Variants in TLN2 observed in about 807,000 individuals in gnomAD.
The protein encoded by TLN2 is talin 2, also known as talin-2.
TLN2 carries 118 observed loss-of-function variants against 294.7 expected under a neutral mutation model. The observed-to-expected ratio is 0.40, with a 90% confidence interval of 0.34 to 0.47. The LOEUF is 0.47. Ranked by LOEUF, TLN2 falls within the 20% of genes least tolerant of loss-of-function variation. The pLI is 0.84. For synonymous variants in TLN2, 1,431 were observed against 1,304.5 expected, an observed-to-expected ratio of 1.10 and a Z score of -2.09; for missense variants, 3,083 against 3,282.2, an observed-to-expected ratio of 0.94 and a Z score of 1.48.
At chr15:62,777,911 A>G (rs1377186523) in intron 43 of TLN2, among the ~76,000 whole-genome samples, 1 of 152,232 alleles carries the variant, frequency 6.6e-6, no homozygotes, top group Admixed American at 6.5e-5. Flanking sequence ...TAAGTTTGAC[A>G]TTCATTAGAA....
intron 51 of TLN2, 83 bp from the exon 52 acceptor site, chr15:62,809,842 T>G: frequency 7.5e-7 from 1 of 1,335,192 alleles, no homozygotes; most frequent in African/African-American, 1.4e-5. Context: ...TCACCAGGGT[T>G]AAGGTCTCTT....
At chr15:62,763,997 G>A (rs984599148) in intron 40 of TLN2, among the ~76,000 whole-genome samples, 4 of 152,198 alleles carry the variant, frequency 2.6e-5, no homozygotes, top group African/African-American at 4.8e-5. Context: ...GGTGGGTACC[G>A]TGTTTGTTTT....
At chr15:62,839,814 G>A (rs958071269) in intron 58 of TLN2, among the ~76,000 whole-genome samples, 6 of 152,216 alleles carry the variant, frequency 3.9e-5, no homozygotes, top group Non-Finnish European at 8.8e-5. Flanking sequence ...CAGAGAAGGG[G>A]CTCTGATCAA....
Position 62,800,717 on chromosome 15 carries a change from G to A in TLN2, c.6425G>A (p.Arg2142Gln), listed in dbSNP as rs768862769. The change falls in exon 50 of 59, where the codon CGG (arginine) becomes CAG (glutamine). Residue 2142 changes from arginine to glutamine, a missense_variant. Coordinates refer to ENST00000636159, the MANE Select transcript of TLN2 (RefSeq NM_015059.3). ...TVKAVEDEAT[R>Q]GTRALEATIE... ...AAGGCAGTGGAGGATGAGGCCACCC[G>A]GGGCACCAGGGCGCTTGAGGCCACA... is the stretch of plus-strand genomic sequence containing the variant. 45 of 1,613,786 alleles carry A rather than the reference G, an allele frequency of 2.8e-5. No homozygotes were observed. The East Asian group carries it at 5.8e-4, about 21-fold the overall frequency.
In TLN2 at chr15:62,752,512, T is replaced by G. The variant is rs2061992460; in HGVS notation, c.4332+85T>G. 1.9e-6 allele frequency: 3 copies of G among 1,547,126 alleles called. No individual in the cohort carries two copies. The African/African-American group carries it at 4.1e-5, about 21-fold the overall frequency. ...GGGGAACTCCAGCTGCACCTCTTTC[T>G]CCAAGTACCACCACAGAAACCATGG... On this transcript the variant is annotated intron_variant, in intron 35 of 58. Coordinates refer to ENST00000636159, the MANE Select transcript of TLN2 (RefSeq NM_015059.3).
intron 1 of TLN2, among the ~76,000 whole-genome samples, chr15:62,393,441 A>G (rs2032265201): frequency 5.3e-5 from 8 of 152,192 alleles, no homozygotes. Context: ...AAGTGAAATT[A>G]GGGTTTAGGA....
intron 3 of TLN2, among the ~76,000 whole-genome samples, chr15:62,642,536 G>A (rs866259177): frequency 1.6e-4 from 24 of 151,972 alleles, no homozygotes; most frequent in Middle Eastern, 6.8e-3. Context: ...AATCTTTATC[G>A]AGGTGTGTTG....
intron 1 of TLN2, among the ~76,000 whole-genome samples, chr15:62,448,682 C>G (rs1019098498): frequency 6.6e-6 from 1 of 152,148 alleles, no homozygotes; most frequent in Non-Finnish European, 1.5e-5. Flanking sequence ...AACTGAGATA[C>G]AAAATGTTAG....
intron 3 of TLN2, among the ~76,000 whole-genome samples, chr15:62,631,650 C>CTTCTTTTTCT (rs55954879): frequency 0.57 from 80,288 of 139,848 alleles, 23,725 homozygotes; most frequent in Middle Eastern, 0.72. Context: ...TCTTTCTTTC[C>CTTCTTTTTCT]TTCTTTTTCT....
At chr15:62,637,411 G>T (rs1402703624) in intron 3 of TLN2, 2 of 150,980 alleles carry the variant, frequency 1.3e-5, no homozygotes, top group Non-Finnish European at 2.9e-5. Context: ...GAAATGTATG[G>T]ATGATTTATT....
intron 19 of TLN2, among the ~76,000 whole-genome samples, chr15:62,704,635 T>C (rs2058942952): frequency 6.6e-6 from 1 of 152,198 alleles, no homozygotes; most frequent in African/African-American, 2.4e-5. Context: ...ATTCGTGTCA[T>C]GATAGAGGTT....
intron 33 of TLN2, among the ~76,000 whole-genome samples, chr15:62,749,090 G>A (rs1567521350): frequency 6.6e-6 from 1 of 152,322 alleles, no homozygotes; most frequent in East Asian, 1.9e-4. Context: ...CCTAACCAAT[G>A]CCGGTTATAT....
At chr15:62,395,917 C>T (rs1230270108) in intron 1 of TLN2, among the ~76,000 whole-genome samples, 1 of 152,076 alleles carries the variant, frequency 6.6e-6, no homozygotes. Context: ...CTCACTGCAA[C>T]CTCTGTCTCC....
chr15:62,770,668 T>A (rs1468457562), intron 41 of TLN2, among the ~76,000 whole-genome samples: 4 of 152,358 alleles, frequency 2.6e-5, no homozygotes, highest in African/African-American at 9.6e-5. Context: ...TGTTAATTTA[T>A]AGAAATTGAC....
chr15:62,433,343 A>G (rs898186635), intron 1 of TLN2, among the ~76,000 whole-genome samples: 2 of 152,096 alleles, frequency 1.3e-5, no homozygotes, highest in African/African-American at 2.4e-5. Flanking sequence ...ATCCCTCTGG[A>G]CTAATCGATT....
intron 1 of TLN2, among the ~76,000 whole-genome samples, chr15:62,414,092 G>A (rs1013996064): frequency 1.6e-5 from 2 of 128,408 alleles, no homozygotes; most frequent in Non-Finnish European, 3.2e-5. Flanking sequence ...GGCTGTGGCA[G>A]CTGGGCCATT....
rs762180179 is a variant in TLN2 at position 62,707,215 on chromosome 15, T to G, written c.2134T>G (p.Cys712Gly). The G allele has an allele frequency of 6.2e-7, 1 of 1,613,726 alleles. No homozygotes were observed. The highest frequency in any genetic ancestry group is 2.2e-5 in the East Asian group (1 of 44,866). ...QNRVIAAATQ[C>G]ALSTSQLVAC... ...CAGGGTAATTGCTGCTGCCACCCAG[T>G]GTGCCCTCTCCACCTCCCAGCTTGT... The change falls in exon 20 of 59, where the codon TGT (cysteine) becomes GGT (glycine). Residue 712 changes from cysteine (C) to glycine (G), a missense_variant. By Grantham distance (159) the Cys-to-Gly change is radical. Coordinates refer to ENST00000636159, the MANE Select transcript of TLN2 (RefSeq NM_015059.3).
At chr15:62,416,087 T>C (rs1039257375) in intron 1 of TLN2, among the ~76,000 whole-genome samples, 2 of 152,270 alleles carry the variant, frequency 1.3e-5, no homozygotes, top group East Asian at 3.9e-4. Context: ...TCGCTTGAAC[T>C]CAGGAGTCTG....
intron 9 of TLN2, among the ~76,000 whole-genome samples, chr15:62,668,166 G>A (rs2054947972): frequency 6.6e-6 from 1 of 152,042 alleles, no homozygotes; most frequent in Non-Finnish European, 1.5e-5. Flanking sequence ...TGATACTATT[G>A]TATACTAGAA....
Sources: gnomAD v4.1 joint callset for allele counts (sites outside exome capture counted in the v4.1 genomes callset) on GRCh38, gnomAD v4.1.1 for gene constraint, MANE v1.5 for transcripts, NCBI Gene and HGNC (gene_info 2026-07-23, HGNC 2026-07-21) for gene names.